AP3S1: variants seen among roughly 807,000 people sequenced by gnomAD.
AP3S1 encodes the protein adaptor related protein complex 3 subunit sigma 1.
Under a neutral mutation model 21.3 loss-of-function variants are expected in AP3S1, and 12 were observed. The ratio of observed to expected loss-of-function variants is 0.56; its 90% CI spans 0.36 to 0.91. The LOEUF (loss-of-function observed/expected upper bound fraction) is 0.91. Ranked by LOEUF, AP3S1 falls within the 40% of genes least tolerant of loss-of-function variation. The pLI is 0.01. For synonymous variants in AP3S1, 48 were observed against 78.4 expected (o/e 0.61, Z 2.05); for missense variants, 116 against 225.0 (o/e 0.52, Z 3.10).
At chr5:115,852,937 A>T (rs1762542850) in intron 1 of AP3S1, 1 of 438,630 alleles carries the variant, frequency 2.3e-6, no homozygotes, top group Non-Finnish European at 4.6e-6. Flanking sequence ...ATGAACATTC[A>T]TGTATGAATT....
At chr5:115,906,103 A>G (rs1358615551) in intron 5 of AP3S1, among the ~76,000 whole-genome samples, 1 of 152,236 alleles carries the variant, frequency 6.6e-6, no homozygotes, top group Admixed American at 6.5e-5. Context: ...GGTTGCAGTG[A>G]GCTGATATTG....
chr5:115,883,825 T>A (rs1749526385), intron 3 of AP3S1, among the ~76,000 whole-genome samples: 1 of 152,382 alleles, frequency 6.6e-6, no homozygotes, highest in Admixed American at 6.5e-5. Flanking sequence ...TTTATATCAA[T>A]ATGAGCTTTA....
chr5:115,903,051 G>T, intron 5 of AP3S1, 59 bp downstream of exon 5: 1 of 1,246,028 alleles, frequency 8.0e-7, no homozygotes, highest in Non-Finnish European at 1.2e-6. Flanking sequence ...GATTACGCAT[G>T]ATTTGTAGTT....
chr5:115,907,426 G>A (rs1347907992), intron 5 of AP3S1, among the ~76,000 whole-genome samples: 4 of 152,060 alleles, frequency 2.6e-5, no homozygotes, highest in Admixed American at 1.3e-4. Flanking sequence ...ATGGTTTTCA[G>A]TTCCAAAGTC....
At chr5:115,890,759 C>T (rs549172668) in intron 3 of AP3S1, among the ~76,000 whole-genome samples, 281 of 152,000 alleles carry the variant, frequency 1.8e-3, no homozygotes, top group African/African-American at 6.4e-3. Flanking sequence ...TAAATATTTT[C>T]TTCTTTCTCA....
intron 3 of AP3S1, among the ~76,000 whole-genome samples, chr5:115,873,448 C>G: frequency 6.6e-6 from 1 of 152,078 alleles, no homozygotes; most frequent in East Asian, 1.9e-4. Context: ...TTACAATACC[C>G]CTGAGTTACC....
intron 1 of AP3S1, among the ~76,000 whole-genome samples, chr5:115,847,691 C>A (rs1762162139): frequency 6.6e-6 from 1 of 152,166 alleles, no homozygotes; most frequent in South Asian, 2.1e-4. Context: ...TTACCGTGTA[C>A]ATGTTATTTT....
chr5:115,909,642 A>C (rs1208919127), intron 5 of AP3S1, among the ~76,000 whole-genome samples: 1 of 152,172 alleles, frequency 6.6e-6, no homozygotes, highest in African/African-American at 2.4e-5. Flanking sequence ...GATGGAAACA[A>C]GTTATTTCTC....
intron 5 of AP3S1, among the ~76,000 whole-genome samples, chr5:115,907,389 C>CA (rs1366809463): frequency 6.6e-5 from 10 of 152,238 alleles, no homozygotes; most frequent in African/African-American, 2.4e-4. Flanking sequence ...AGAATAGTGA[C>CA]TGTTAAATAG....
intron 3 of AP3S1, among the ~76,000 whole-genome samples, chr5:115,891,724 C>A (rs1452755081): frequency 1.3e-5 from 2 of 152,098 alleles, no homozygotes; most frequent in Admixed American, 1.3e-4. Flanking sequence ...ATCCTCCAGA[C>A]CCCAGAATGA....
intron 1 of AP3S1, among the ~76,000 whole-genome samples, chr5:115,842,830 A>C (rs1761727643): frequency 6.6e-6 from 1 of 152,252 alleles, no homozygotes; most frequent in South Asian, 2.1e-4. Context: ...CCCTCGAAGT[A>C]ACCGGCGACG....
intron 5 of AP3S1, chr5:115,908,972 G>A (rs1164662687): frequency 1.0e-6 from 1 of 983,960 alleles, no homozygotes; most frequent in African/African-American, 1.8e-5. Context: ...CTTTCACTTT[G>A]CTGTTAGGTC....
chr5:115,901,871 C>G (rs979991913), intron 4 of AP3S1, among the ~76,000 whole-genome samples: 3 of 151,960 alleles, frequency 2.0e-5, no homozygotes, highest in African/African-American at 4.8e-5. Context: ...TGCGTGAAAT[C>G]TTACAAAGAA....
chr5:115,873,776 G>A (rs945565586), intron 3 of AP3S1, among the ~76,000 whole-genome samples: 1 of 152,126 alleles, frequency 6.6e-6, no homozygotes, highest in African/African-American at 2.4e-5. Flanking sequence ...CAATTTTAAT[G>A]TAAAAAGTAA....
At chr5:115,852,203 A>G (rs1209639429) in intron 1 of AP3S1, among the ~76,000 whole-genome samples, 2 of 151,964 alleles carry the variant, frequency 1.3e-5, no homozygotes, top group East Asian at 3.8e-4. Context: ...TTTTTTTCCA[A>G]AAACCCCAGT....
intron 4 of AP3S1, among the ~76,000 whole-genome samples, chr5:115,902,565 A>AATG (rs1386452148): frequency 6.6e-6 from 1 of 152,172 alleles, no homozygotes; most frequent in Non-Finnish European, 1.5e-5. Flanking sequence ...TAATAATAAT[A>AATG]ATGGTAGTTA....
intron 2 of AP3S1, among the ~76,000 whole-genome samples, chr5:115,867,635 C>G (rs1035163592): frequency 5.9e-5 from 9 of 152,100 alleles, no homozygotes; most frequent in Non-Finnish European, 5.9e-5. Flanking sequence ...CCTTAAATGT[C>G]CAATACATAC....
chr5:115,910,952 G>T (rs1304214020), intron 5 of AP3S1, among the ~76,000 whole-genome samples: 1 of 152,074 alleles, frequency 6.6e-6, no homozygotes, highest in Admixed American at 6.5e-5. Flanking sequence ...TCATTTGCGT[G>T]TTCTGAATAG....
At chr5:115,864,318 T>C (rs1763439022) in intron 1 of AP3S1, among the ~76,000 whole-genome samples, 1 of 152,214 alleles carries the variant, frequency 6.6e-6, no homozygotes, top group Admixed American at 6.5e-5. Context: ...TAAAGTTTTT[T>C]TGATATTGGA....
Sources: allele counts gnomAD v4.1 joint callset (sites outside exome capture counted in the v4.1 genomes callset), GRCh38; gene constraint gnomAD v4.1.1; transcripts MANE v1.5; gene names NCBI Gene and HGNC (gene_info 2026-07-23, HGNC 2026-07-21).